Variants in NR2C2 observed in about 807,000 individuals in gnomAD.
NR2C2 encodes the protein nuclear receptor subfamily 2 group C member 2, also known as Nuclear hormone receptor TR4.
A neutral mutation model predicts 62.9 loss-of-function variants in NR2C2; 6 were observed. The observed-to-expected ratio is 0.10, with a 90% CI of 0.05 to 0.19. The LOEUF (loss-of-function observed/expected upper bound fraction) is 0.19. NR2C2 is among the 10% of genes least tolerant of loss of function. The probability of loss-of-function intolerance (pLI) is 1.00; values close to 1 mark genes in which losing one functional copy is unlikely to be tolerated. For synonymous variants in NR2C2, 272 were observed against 273.8 expected (o/e 0.99, Z 0.07); for missense variants, 479 against 762.7 (o/e 0.63, Z 4.38).
At chr3:14,961,780 C>T (rs2039693206) in intron 1 of NR2C2, among the ~76,000 whole-genome samples, 1 of 152,106 alleles carries the variant, frequency 6.6e-6, no homozygotes, top group Admixed American at 6.5e-5. Context: ...TAGTAGAAAG[C>T]CGAATTATCT....
At chr3:14,956,606 C>G (rs2039533186) in intron 1 of NR2C2, among the ~76,000 whole-genome samples, 1 of 152,082 alleles carries the variant, frequency 6.6e-6, no homozygotes, top group African/African-American at 2.4e-5. Context: ...TGCAGTGGCT[C>G]AATCTCAGCT....
chr3:15,022,366 T>C (rs539760819), intron 5 of NR2C2, among the ~76,000 whole-genome samples: 1 of 152,040 alleles, frequency 6.6e-6, no homozygotes, highest in South Asian at 2.1e-4. Flanking sequence ...AGGGCCCACT[T>C]GAAGGTGGGC....
At chr3:15,018,224 C>T (rs754574097) in intron 4 of NR2C2, among the ~76,000 whole-genome samples, 34 of 152,134 alleles carry the variant, frequency 2.2e-4, no homozygotes, top group Non-Finnish European at 3.8e-4. Context: ...GTCTCGAACT[C>T]CTAACCTTGT....
chr3:15,018,653 C>T (rs2041581377), intron 4 of NR2C2, among the ~76,000 whole-genome samples: 1 of 152,020 alleles, frequency 6.6e-6, no homozygotes, highest in African/African-American at 2.4e-5. Flanking sequence ...CACATGAGGC[C>T]GGGAGTTCAA....
chr3:14,986,127 C>T (rs967192354), intron 1 of NR2C2, among the ~76,000 whole-genome samples: 31 of 151,928 alleles, frequency 2.0e-4, no homozygotes, highest in Admixed American at 1.6e-3. Flanking sequence ...TTTTTAAAGA[C>T]CCTTTTACTG....
At chr3:15,021,796 T>C (rs2041674837) in intron 5 of NR2C2, among the ~76,000 whole-genome samples, 1 of 152,248 alleles carries the variant, frequency 6.6e-6, no homozygotes, top group South Asian at 2.1e-4. Flanking sequence ...AAAACCAATA[T>C]ATTTCAGTAT....
chr3:15,035,945 T>C (rs1235410416), intron 11 of NR2C2, among the ~76,000 whole-genome samples: 2 of 152,172 alleles, frequency 1.3e-5, no homozygotes, highest in Admixed American at 1.3e-4. Flanking sequence ...GGAGAACCAC[T>C]TGAACCTGGG....
intron 1 of NR2C2, among the ~76,000 whole-genome samples, chr3:14,960,122 A>G (rs2039650300): frequency 6.6e-6 from 1 of 152,226 alleles, no homozygotes; most frequent in Non-Finnish European, 1.5e-5. Context: ...TTACAGTTAC[A>G]TTCCTGGGAT....
intron 1 of NR2C2, among the ~76,000 whole-genome samples, chr3:14,970,866 CT>C (rs1261964482): frequency 1.3e-5 from 2 of 152,170 alleles, no homozygotes; most frequent in African/African-American, 4.8e-5. Context: ...GATGGTTCAA[CT>C]TACAATTTTT....
At chr3:14,975,070 ATTC>A (rs1425251470) in intron 1 of NR2C2, among the ~76,000 whole-genome samples, 1 of 152,126 alleles carries the variant, frequency 6.6e-6, no homozygotes, top group Non-Finnish European at 1.5e-5. Flanking sequence ...AACGTTACTG[ATTC>A]TTATTTCTAA....
chr3:14,968,298 A>C (rs1452832184), intron 1 of NR2C2, among the ~76,000 whole-genome samples: 4 of 152,222 alleles, frequency 2.6e-5, no homozygotes, highest in Non-Finnish European at 4.4e-5. Flanking sequence ...ACAAGAAAAA[A>C]ACAACCCCAT....
chr3:15,041,558 AAG>A (rs1248069028), intron 13 of NR2C2, among the ~76,000 whole-genome samples: 3 of 152,226 alleles, frequency 2.0e-5, no homozygotes, highest in Non-Finnish European at 4.4e-5. Flanking sequence ...ACTTTTTAAA[AAG>A]CACTATCCAG....
chr3:15,032,795 T>G (rs1224866564), intron 10 of NR2C2, among the ~76,000 whole-genome samples: 1 of 152,146 alleles, frequency 6.6e-6, no homozygotes, highest in Non-Finnish European at 1.5e-5. Context: ...CACTGTGCTA[T>G]GCACAGTGTG....
At chr3:15,042,315 AG>A (rs1275027628) in intron 13 of NR2C2, 2 of 152,332 alleles carry the variant, frequency 1.3e-5, no homozygotes, top group Non-Finnish European at 2.9e-5. Context: ...ACAAAAAATA[AG>A]AAAAAATCAC....
Position 15,024,098 on chromosome 3 carries a change from C to CTA in NR2C2, c.705-16_705-15insAT. On this transcript the variant is annotated splice_polypyrimidine_tract_variant and intron_variant, in intron 6 of 13. Coordinates refer to ENST00000425241, the MANE Select transcript of NR2C2 (RefSeq NM_001291694.2). ...AAATGTTGGAAGCTACTCTGAGTTT[C>CTA]TTTATGTCTTAAATAGACAAACAGG... 1.3e-6 allele frequency: 2 copies of CTA among 1,584,370 alleles called. No homozygotes were observed. The highest frequency in any genetic ancestry group is 2.2e-5 in the South Asian group (2 of 89,824).
At chr3:14,960,423 G>C (rs992259085) in intron 1 of NR2C2, among the ~76,000 whole-genome samples, 13 of 152,034 alleles carry the variant, frequency 8.6e-5, no homozygotes. Context: ...GAAGTTGATT[G>C]ATCCTGCAAA....
chr3:15,010,330 C>T (rs1029786493), intron 2 of NR2C2, among the ~76,000 whole-genome samples: 61 of 148,038 alleles, frequency 4.1e-4, no homozygotes, highest in African/African-American at 1.5e-3. Context: ...ATGGAGGATA[C>T]GGATGTCTTA....
chr3:15,004,266 A>G (rs1470336261), intron 2 of NR2C2, among the ~76,000 whole-genome samples: 2 of 152,198 alleles, frequency 1.3e-5, no homozygotes, highest in Non-Finnish European at 2.9e-5. Context: ...TTAGTACTGT[A>G]ATTAAGAGCA....
At chr3:15,010,631 G>A (rs2041326244) in intron 2 of NR2C2, among the ~76,000 whole-genome samples, 1 of 151,600 alleles carries the variant, frequency 6.6e-6, no homozygotes, top group African/African-American at 2.4e-5. Context: ...AGGATTGCTT[G>A]AGCCTAGGAG....
Sources: allele counts gnomAD v4.1 joint callset (sites outside exome capture counted in the v4.1 genomes callset), GRCh38; gene constraint gnomAD v4.1.1; transcripts MANE v1.5; gene names NCBI Gene and HGNC (gene_info 2026-07-23, HGNC 2026-07-21).